Variants in DCHS1 observed in about 807,000 individuals in gnomAD.
The protein encoded by DCHS1 is protocadherin-16.
In DCHS1, 78 loss-of-function variants were observed where a neutral mutation model predicts 213.9. The observed-to-expected ratio is 0.36, with a 90% CI of 0.30 to 0.44. The LOEUF (loss-of-function observed/expected upper bound fraction) is 0.44. DCHS1 is among the 20% of genes least tolerant of loss of function. The probability of loss-of-function intolerance (pLI) is 1.00; values close to 1 mark genes in which losing one functional copy is unlikely to be tolerated. For synonymous variants in DCHS1, 1,828 were observed against 1,873.7 expected (o/e 0.98, Z 0.63); for missense variants, 3,946 against 4,395.9 (o/e 0.90, Z 2.89).
In DCHS1 at chr11:6,640,082, C is replaced by A; in HGVS notation, c.1532G>T (p.Ser511Ile). 6.2e-7 allele frequency: 1 copy of A among 1,613,872 alleles called. No individual in the cohort carries two copies. The change falls in exon 2 of 21, where the codon AGC (serine) becomes ATC (isoleucine). Residue 511 changes from serine to isoleucine, a missense_variant. By Grantham distance (142) the Ser-to-Ile change is moderately radical. Transcript: ENST00000299441. This position sits in a 1 kb window ranked among gnomAD's most constrained non-coding sequence, Gnocchi z 6.5. ...GTGGGTGTGGGCGCCAGGGGCTAGGCTATAAGTGACCTGACCATTGGTGCC... is the reference window on the plus strand; with the variant it reads ...GTGGGTGTGGGCGCCAGGGGCTAGGATATAAGTGACCTGACCATTGGTGCC... The part of the protein sequence containing the change: ...DQGTNGQVTY[S>I]LAPGAHTHWF...
chr11:6,655,511 C>CGGCGGGCAG (rs1475457820), intron 1 of DCHS1, 52 bp downstream of exon 1: 1 of 969,258 alleles, frequency 1.0e-6, no homozygotes, highest in East Asian at 1.2e-4. Flanking sequence ...CAGGGGAGGC[C>CGGCGGGCAG]GGCGGGCAGG....
Position 6,641,345 on chromosome 11 carries a change from G to A in DCHS1, c.269C>T (p.Thr90Ile). 2 of 1,613,618 alleles carry A rather than the reference G, an allele frequency of 1.2e-6. No individual in the cohort carries two copies. The highest frequency in any genetic ancestry group is 1.7e-6 in the Non-Finnish European group (2 of 1,179,890). The change falls in exon 2 of 21, where the codon ACA becomes ATA. Residue 90 changes from threonine (T) to isoleucine (I), a missense_variant. Transcript: ENST00000299441. The surrounding 1 kb of genome is among the most constrained non-coding windows in gnomAD (Gnocchi z 7.1). ...ACTGTGTTCGTCAATGGCCAGGTCT[G>A]TGCCCACGCCGCTGCCCTCTTGGGC... ...ISAQEGSGVGTDLAIDEHSGV... is the reference protein window; with the variant it reads ...ISAQEGSGVGIDLAIDEHSGV...
Position 6,633,804 on chromosome 11 carries a change from A to G in DCHS1, c.2203T>C (p.Leu735=), listed in dbSNP as rs1855948569. ...LAGNSPPLFT[L]DEQSGLLTVA... ...GGATCCTCACCTGATTGCTCATCCA[A>G]GGTAAAAAGTGGGGGGCTGTTGCCA... Residue 735 remains leucine (L), a synonymous_variant, in exon 4 of 21, where the codon TTG becomes CTG. Coordinates refer to ENST00000299441, the MANE Select transcript of DCHS1 (RefSeq NM_003737.4). 2 of 1,613,474 alleles carry G rather than the reference A, an allele frequency of 1.2e-6. No homozygotes were observed. The highest frequency in any genetic ancestry group is 1.3e-5 in the African/African-American group (1 of 74,930).
rs1280895214 is a variant in DCHS1, at chr11:6,625,953, G to A, written c.6698C>T (p.Ala2233Val). The change falls in exon 17 of 21, where the codon GCC becomes GTC. Residue 2233 changes from alanine to valine, a missense_variant. Coordinates refer to ENST00000299441, the MANE Select transcript of DCHS1 (RefSeq NM_003737.4). The surrounding 1 kb of genome is among the most constrained non-coding windows in gnomAD (Gnocchi z 5.3). ...DPTTGTITTT[A>V]ILDREIWAET... is the part of the protein sequence containing the mutation. ...AGCCCAGATCTCACGGTCCAGGATG[G>A]CTGTGGTAGTGATAGTGCCTGTGGT... 1.9e-6 allele frequency: 3 copies of A among 1,613,572 alleles called. No individual in the cohort carries two copies. The highest frequency in any genetic ancestry group is 2.5e-6 in the Non-Finnish European group (3 of 1,179,780).
Position 6,630,113 on chromosome 11 carries a change from C to T in DCHS1, c.4681G>A (p.Gly1561Arg), listed in dbSNP as rs1208298552. 6.2e-7 allele frequency: 1 copy of T among 1,604,354 alleles called. No individual in the cohort carries two copies. Among genetic ancestry groups the T allele is most frequent in the Admixed American group, 1.7e-5 (1 of 59,158 alleles). ...GCTACCACGTGCAGGGCCGCGGGCC[C>T]AGGCGGCTGGTCCTCTGGGAGGCGC... ...RVRLPEDQPP[G>R]PAALHVVARD... Residue 1561 changes from glycine (G) to arginine (R), a missense_variant, in exon 10 of 21, where the codon GGG (glycine) becomes AGG (arginine). Gly to Arg is a moderately radical substitution (Grantham distance 125, BLOSUM62 -2). Around this residue, in one of 3 missense-constraint regions of DCHS1, gnomAD observed 3,384 missense variants for 3,780.1 expected, o/e 0.90. Coordinates refer to ENST00000299441, the MANE Select transcript of DCHS1 (RefSeq NM_003737.4).
chr11:6,648,408 A>C (rs923189063), intron 1 of DCHS1, among the ~76,000 whole-genome samples: 1 of 152,248 alleles, frequency 6.6e-6, no homozygotes, highest in African/African-American at 2.4e-5. Context: ...GAATTCAAGT[A>C]AGATAAGGGC....
chr11:6,640,513 G>A lies in DCHS1; in HGVS notation c.1101C>T (p.Leu367=), dbSNP rs755903574. Residue 367 remains leucine, a synonymous_variant, in exon 2 of 21, where the codon CTC becomes CTT. Coordinates refer to ENST00000299441, the MANE Select transcript of DCHS1 (RefSeq NM_003737.4). This position sits in a 1 kb window ranked among gnomAD's most constrained non-coding sequence, Gnocchi z 6.5. ...ACACTTGGGGGGAGCCATCTGCACT[G>A]AGAAAGATGACAGTCATGGAGGGCT... The part of the protein sequence containing the change: ...DNQPSMTVIF[L]SADGSPQVSE... The A allele has an allele frequency of 1.2e-5, 20 of 1,612,460 alleles. No individual in the cohort carries two copies. In the East Asian group the frequency reaches 2.0e-4, roughly 16 times the overall value.
rs986927406 is a variant in DCHS1, at chr11:6,641,267, C to T, written c.347G>A (p.Arg116His). ...ACCATCAGGAGTGACTGCAGTGAAG[C>T]GGTAGCGGTCCCGCTGCTCACGGTC... ...VLDREQRDRY[R>H]FTAVTPDGAT... Residue 116 changes from arginine to histidine, a missense_variant, in exon 2 of 21, where the codon CGC becomes CAC. By Grantham distance (29) the Arg-to-His change is conservative. This residue lies in a region of DCHS1 where 3,384 missense variants were observed against 3,780.1 expected (regional missense o/e 0.90). Transcript: ENST00000299441. This position sits in a 1 kb window ranked among gnomAD's most constrained non-coding sequence, Gnocchi z 7.1. The T allele has an allele frequency of 6.2e-6, 10 of 1,613,598 alleles. No homozygotes were observed. The highest frequency in any genetic ancestry group is 5.0e-5 in the Admixed American group (3 of 60,014).
In DCHS1 at chr11:6,655,791, C is replaced by A. The variant is rs1856308362; in HGVS notation, c.-349G>T. 13 of 978,076 alleles carry A rather than the reference C, an allele frequency of 1.3e-5. No individual in the cohort carries two copies. The highest frequency in any genetic ancestry group is 6.4e-5 in the Admixed American group (1 of 15,726). 60.6% of individuals were successfully genotyped at this position (978,076 alleles called of 1,614,324 possible). A position where few individuals can be genotyped will look rare whatever the true frequency, so the allele number is the denominator to read the frequency against. Reference sequence around the variant, plus strand: ...GCCGCCTCCTGCACAGCCGCCCCGCCGAGGATGCGAGCTCCGCTGCCGCGG... The same window carrying A: ...GCCGCCTCCTGCACAGCCGCCCCGCAGAGGATGCGAGCTCCGCTGCCGCGG... On this transcript the variant is annotated 5_prime_UTR_variant, in exon 1 of 21. Coordinates refer to ENST00000299441, the MANE Select transcript of DCHS1 (RefSeq NM_003737.4).
Position 6,622,820 on chromosome 11 carries a change from T to A in DCHS1, c.8856A>T (p.Ala2952=), listed in dbSNP as rs1023861713. ...CAAGTCCTAGGACCAGGGCTGCCAG[T>A]GCAAGCACCACCACAACTCCCAAGG... The part of the protein sequence containing the change: ...AASLGVVVVL[A]LAALVLGLVR... The change falls in exon 21 of 21, where the codon GCA becomes GCT. Residue 2952 remains alanine (A), a synonymous_variant. Transcript: ENST00000299441. The surrounding 1 kb of genome is among the most constrained non-coding windows in gnomAD (Gnocchi z 5.4). 4 of 1,593,840 alleles carry A rather than the reference T, an allele frequency of 2.5e-6. No homozygotes were observed. The highest frequency in any genetic ancestry group is 1.7e-4 in the Middle Eastern group (1 of 6,058).
At chr11:6,644,536 T>C (rs1358277482) in intron 1 of DCHS1, among the ~76,000 whole-genome samples, 6 of 152,254 alleles carry the variant, frequency 3.9e-5, no homozygotes, top group Admixed American at 3.9e-4. Context: ...TCATTACTTT[T>C]GGTAAACACT....
intron 1 of DCHS1, among the ~76,000 whole-genome samples, chr11:6,654,886 C>G (rs544246416): frequency 1.6e-4 from 25 of 152,250 alleles, no homozygotes; most frequent in Admixed American, 9.8e-4. Context: ...GTGGGACCCA[C>G]GCCTGCGGTG....
rs201800543 is a variant in DCHS1 at position 6,640,808 on chromosome 11, G to T, written c.806C>A (p.Ala269Asp). 1.2e-6 allele frequency: 2 copies of T among 1,614,064 alleles called. No individual in the cohort carries two copies. The highest frequency in any genetic ancestry group is 1.7e-6 in the Non-Finnish European group (2 of 1,179,906). The change falls in exon 2 of 21, where the codon GCC becomes GAC. Residue 269 changes from alanine to aspartate, a missense_variant. Ala to Asp is a moderately radical substitution (Grantham distance 126). This residue lies in a region of DCHS1 where 3,384 missense variants were observed against 3,780.1 expected (regional missense o/e 0.90). Transcript: ENST00000299441. This position sits in a 1 kb window ranked among gnomAD's most constrained non-coding sequence, Gnocchi z 6.5. ...RYHAVVSESLAPGSPVLQVFA... is the reference protein window; with the variant it reads ...RYHAVVSESLDPGSPVLQVFA... Reference sequence around the variant, plus strand: ...CACCTGCAAGACAGGACTGCCAGGGGCCAGGCTCTCAGACACCACAGCATG... The same window carrying T: ...CACCTGCAAGACAGGACTGCCAGGGTCCAGGCTCTCAGACACCACAGCATG...
At position 6,626,159 on chromosome 11, in the gene DCHS1, C is replaced by T. The variant is rs1327790495; in HGVS notation, c.6576+10G>A. Reference sequence around the variant, plus strand: ...GCTCCCCCGCCCAATCTTTCCATCACACCCCGCACCTGCAGCAGGGGCCCC... The same window carrying T: ...GCTCCCCCGCCCAATCTTTCCATCATACCCCGCACCTGCAGCAGGGGCCCC... On this transcript the variant is annotated intron_variant, in intron 16 of 20. Coordinates refer to ENST00000299441, the MANE Select transcript of DCHS1 (RefSeq NM_003737.4). This position sits in a 1 kb window ranked among gnomAD's most constrained non-coding sequence, Gnocchi z 5.2. The T allele has an allele frequency of 1.2e-6, 2 of 1,600,702 alleles. No homozygotes were observed. The highest frequency in any genetic ancestry group is 1.3e-5 in the African/African-American group (1 of 74,748).
chr11:6,626,564 G>C lies in DCHS1; in HGVS notation c.6352C>G (p.Gln2118Glu). Residue 2118 changes from glutamine (Q) to glutamate (E), a missense_variant, in exon 15 of 21, where the codon CAG becomes GAG. This residue lies in a region of DCHS1 where 3,384 missense variants were observed against 3,780.1 expected (regional missense o/e 0.90). Transcript: ENST00000299441. This position sits in a 1 kb window ranked among gnomAD's most constrained non-coding sequence, Gnocchi z 5.2. ...TCCTATTTCTTACCTGTACTAGGCT[G>C]GATGGAGAATGTCCCTTTCTCATTC... ...SGNEKGTFSIQPSTGAITVRS... is the reference protein window; with the variant it reads ...SGNEKGTFSIEPSTGAITVRS... 1 of 1,613,990 alleles carries C rather than the reference G, an allele frequency of 6.2e-7. No individual in the cohort carries two copies. Among genetic ancestry groups the C allele is most frequent in the Non-Finnish European group, 8.5e-7 (1 of 1,179,880 alleles).
intron 2 of DCHS1, 68 bp from the exon 3 acceptor site, chr11:6,634,374 T>C: frequency 6.7e-7 from 1 of 1,492,298 alleles, no homozygotes; most frequent in Non-Finnish European, 9.0e-7. Flanking sequence ...AGGTGGCCAT[T>C]AGAATGAACA....
chr11:6,625,246 C>T lies in DCHS1; in HGVS notation c.7098G>A (p.Val2366=), dbSNP rs1362387047. The T allele has an allele frequency of 6.2e-7, 1 of 1,611,254 alleles. No homozygotes were observed. The highest frequency in any genetic ancestry group is 1.1e-5 in the South Asian group (1 of 90,770). ...CAGGTGCATTGTCATTGACATCCTC[C>T]ACAAGCACTGTGAGGTTGGCACGGC... is the stretch of plus-strand genomic sequence containing the variant. ...HEGRANLTVL[V]EDVNDNAPAF... Residue 2366 remains valine (V), a synonymous_variant, in exon 19 of 21, where the codon GTG becomes GTA. Transcript: ENST00000299441. The surrounding 1 kb of genome is among the most constrained non-coding windows in gnomAD (Gnocchi z 5.3).
rs1475913745 is a variant in DCHS1, at chr11:6,633,975, C to T, written c.2032G>A (p.Glu678Lys). The change falls in exon 4 of 21, where the codon GAG (glutamate) becomes AAG (lysine). Residue 678 changes from glutamate to lysine, a missense_variant. By Grantham distance (56) the Glu-to-Lys change is moderately conservative. Coordinates refer to ENST00000299441, the MANE Select transcript of DCHS1 (RefSeq NM_003737.4). ...MVYVKVFLSD[E>K]NDNPPQFYPR... ...TAAAACTGAGGAGGGTTGTCATTCTCGTCTGACAGAAACACCTTCACATAT... is the reference window on the plus strand; with the variant it reads ...TAAAACTGAGGAGGGTTGTCATTCTTGTCTGACAGAAACACCTTCACATAT... The T allele has an allele frequency of 5.6e-6, 9 of 1,614,010 alleles. No homozygotes were observed. Among genetic ancestry groups the T allele is most frequent in the East Asian group, 4.5e-5 (2 of 44,886 alleles).
intron 20 of DCHS1, 117 bp from the exon 21 acceptor site, chr11:6,624,507 T>A: frequency 1.5e-6 from 2 of 1,332,430 alleles, no homozygotes; most frequent in Non-Finnish European, 2.0e-6. Context: ...GAATGGCCTA[T>A]CTGCTGGGAG....
Sources: allele counts gnomAD v4.1 joint callset (sites outside exome capture counted in the v4.1 genomes callset), GRCh38; gene constraint gnomAD v4.1.1; regional missense constraint gnomAD v4.1.1; non-coding constraint Gnocchi (gnomAD v3.1); transcripts MANE v1.5; gene names NCBI Gene and HGNC (gene_info 2026-07-23, HGNC 2026-07-21).